The following NRIP1 variants were observed in gnomAD, a reference collection of about 807,000 sequenced individuals.
NRIP1 encodes nuclear receptor interacting protein 1.
Under a neutral mutation model 75.0 loss-of-function variants are expected in NRIP1, and 28 were observed. The ratio of observed to expected loss-of-function variants is 0.37; its 90% confidence interval spans 0.28 to 0.51. NRIP1 has a LOEUF of 0.51. Among genes scored for constraint, NRIP1 ranks in the 20% least tolerant of loss-of-function variants. The pLI is 0.92. For missense variants in NRIP1, 1,435 were observed against 1,343.7 expected, an observed-to-expected ratio of 1.07 and a Z score of -1.06; for synonymous variants, 526 against 487.6, an observed-to-expected ratio of 1.08 and a Z score of -1.04.
chr21:15,006,173 C>T (rs369187527), intron 3 of NRIP1, among the ~76,000 whole-genome samples: 5 of 150,224 alleles, frequency 3.3e-5, no homozygotes, highest in East Asian at 1.9e-4. Context: ...ATTCTTAAGA[C>T]GGAAAAAAAA....
In NRIP1 at chr21:14,961,243, A is replaced by AT. The variant is rs1418310991; in HGVS notation, c.*3472dup. 5.9e-5 allele frequency: 9 copies of AT among 152,446 alleles called. No individual in the cohort carries two copies. Among genetic ancestry groups the AT allele is most frequent in the Non-Finnish European group, 8.8e-5 (6 of 67,906 alleles). 9.4% of individuals were successfully genotyped at this position (152,446 alleles called of 1,614,324 possible). ...AGTCATTTCAAACCAGAGACAATGC[A>AT]TTTTTTCTCATTTATTCAAATTCAC... On this transcript the variant is annotated 3_prime_UTR_variant, in exon 4 of 4. Coordinates refer to ENST00000318948, the MANE Select transcript of NRIP1 (RefSeq NM_003489.4).
intron 3 of NRIP1, among the ~76,000 whole-genome samples, chr21:14,995,371 T>C (rs888195974): frequency 1.3e-5 from 2 of 152,230 alleles, no homozygotes; most frequent in Non-Finnish European, 2.9e-5. Context: ...AGGAGGTTTC[T>C]TAAACCTGGG....
rs1410137647 is a variant in NRIP1 at position 14,966,085 on chromosome 21, A to G, written c.2108T>C (p.Ile703Thr). The change falls in exon 4 of 4, where the codon ATA (isoleucine) becomes ACA (threonine). Residue 703 changes from isoleucine (I) to threonine (T), a missense_variant. Transcript: ENST00000318948. The part of the protein sequence containing the change: ...GPEPGLSGSE[I>T]ENLLERRTVL... The stretch of plus-strand genomic sequence containing the variant: ...AGTACGTCTTTCAAGCAGATTTTCT[A>G]TTTCAGAACCAGAAAGCCCTGGTTC... 8 of 1,612,224 alleles carry G rather than the reference A, an allele frequency of 5.0e-6. No homozygotes were observed. Among genetic ancestry groups the G allele is most frequent in the Non-Finnish European group, 5.9e-6 (7 of 1,179,956 alleles).
At position 15,012,446 on chromosome 21, in the gene NRIP1, T is replaced by A. The variant is rs150944686; in HGVS notation, c.-335+1898A>T. On this transcript the variant is annotated intron_variant, in intron 3 of 3. Coordinates refer to ENST00000318948, the MANE Select transcript of NRIP1 (RefSeq NM_003489.4). ...AAGTTGTTCACTATACATTATAATG[T>A]CTTTTTTTTTTTTTTTTTTTTTTTT... Among the ~76,000 whole-genome samples the A allele has an allele frequency of 0.011, 1,182 of 103,368 alleles. 139 individuals carry two copies. The East Asian group carries it at 0.22, about 19-fold the overall frequency. The allele number at this position is 103,368 out of a possible 152,430, so 67.8% of individuals were successfully genotyped here. A position where few individuals can be genotyped will look rare whatever the true frequency, so the allele number is the denominator to read the frequency against.
intron 1 of NRIP1, among the ~76,000 whole-genome samples, chr21:15,064,192 G>A (rs892847548): frequency 2.6e-5 from 4 of 152,256 alleles, no homozygotes; most frequent in Non-Finnish European, 5.9e-5. Context: ...CGTGAGCCTC[G>A]CCATCGGGAG....
In NRIP1 at chr21:14,968,058, ATTAT is replaced by A. The variant is rs2086807264; in HGVS notation, c.131_134del (p.His44LeufsTer62). On this transcript the variant is annotated frameshift_variant, in exon 4 of 4. Transcript: ENST00000318948. LOFTEE classifies it high-confidence loss of function. Reference sequence around the variant, plus strand: ...AAATGTTAAAGTTCTGATCCTCTTCATTATGCCCAGCAGACTTTTTGTCAACGGC... The same window carrying A: ...AAATGTTAAAGTTCTGATCCTCTTCAGCCCAGCAGACTTTTTGTCAACGGC... 6.2e-7 allele frequency: 1 copy of A among 1,613,928 alleles called. No individual in the cohort carries two copies. The highest frequency in any genetic ancestry group is 8.5e-7 in the Non-Finnish European group (1 of 1,180,020).
intron 3 of NRIP1, among the ~76,000 whole-genome samples, chr21:15,004,153 G>A (rs570349673): frequency 6.6e-6 from 1 of 152,212 alleles, no homozygotes; most frequent in South Asian, 2.1e-4. Context: ...ATTCTAACTT[G>A]TTTTCACACA....
chr21:14,988,933 G>A (rs983460812), intron 3 of NRIP1, among the ~76,000 whole-genome samples: 5 of 151,354 alleles, frequency 3.3e-5, no homozygotes, highest in East Asian at 3.9e-4. Context: ...GAGGCAAAAC[G>A]AGGAGAGGAG....
chr21:14,982,939 T>C (rs748455428), intron 3 of NRIP1, among the ~76,000 whole-genome samples: 13 of 152,140 alleles, frequency 8.5e-5, no homozygotes, highest in Non-Finnish European at 1.6e-4. Context: ...ACTGTGCCCA[T>C]ATCACAGCAT....
In NRIP1 at chr21:14,965,659, G is replaced by A. The variant is rs778756254; in HGVS notation, c.2534C>T (p.Ala845Val). The change falls in exon 4 of 4, where the codon GCA (alanine) becomes GTA (valine). Residue 845 changes from alanine (A) to valine (V), a missense_variant. Physicochemically the swap from Ala to Val is moderately conservative, Grantham distance 64. Transcript: ENST00000318948. ...GCAAAGATTCTTTGATTCTAGAAGT[G>A]CCATTTCATTATTTCTGTGACTCCT... ...SDRSHRNNEM[A>V]LLESKNLCMV... 5 of 1,613,258 alleles carry A rather than the reference G, an allele frequency of 3.1e-6. No homozygotes were observed. The South Asian group carries it at 4.4e-5, about 14-fold the overall frequency.
At chr21:15,052,885 C>T (rs938123268) in intron 1 of NRIP1, among the ~76,000 whole-genome samples, 1 of 152,138 alleles carries the variant, frequency 6.6e-6, no homozygotes, top group African/African-American at 2.4e-5. Context: ...CTACCACTCT[C>T]ACTGTGACAC....
intron 2 of NRIP1, among the ~76,000 whole-genome samples, chr21:15,025,784 G>T (rs954341853): frequency 3.3e-5 from 5 of 152,132 alleles, no homozygotes; most frequent in Non-Finnish European, 5.9e-5. Flanking sequence ...GGAAACAGAA[G>T]ACAACCCTAA....
At chr21:15,059,231 T>G (rs1035044899) in intron 1 of NRIP1, among the ~76,000 whole-genome samples, 9 of 152,208 alleles carry the variant, frequency 5.9e-5, no homozygotes, top group Admixed American at 5.9e-4. Flanking sequence ...CCGAGCTTAG[T>G]CACACAGTGA....
chr21:14,964,609 G>A lies in NRIP1; in HGVS notation c.*107C>T. On this transcript the variant is annotated 3_prime_UTR_variant, in exon 4 of 4. Transcript: ENST00000318948. ...ACCAATACTTTTCAAAATGAAAAAAGTTTCAATTATACCATGCTTTTTTTC... is the reference window on the plus strand; with the variant it reads ...ACCAATACTTTTCAAAATGAAAAAAATTTCAATTATACCATGCTTTTTTTC... The A allele has an allele frequency of 1.1e-6, 1 of 918,142 alleles. No individual in the cohort carries two copies. Among genetic ancestry groups the A allele is most frequent in the South Asian group, 2.2e-5 (1 of 45,750 alleles). 56.9% of individuals were successfully genotyped at this position (918,142 alleles called of 1,614,324 possible). A position where few individuals can be genotyped will look rare whatever the true frequency, so the allele number is the denominator to read the frequency against.
chr21:15,008,618 G>C (rs2088030069), intron 3 of NRIP1, among the ~76,000 whole-genome samples: 1 of 152,000 alleles, frequency 6.6e-6, no homozygotes, highest in African/African-American at 2.4e-5. Context: ...TGGGTAATAT[G>C]ATACACCGTG....
chr21:15,035,808 G>A (rs2088819614), intron 2 of NRIP1, among the ~76,000 whole-genome samples: 1 of 151,948 alleles, frequency 6.6e-6, no homozygotes, highest in African/African-American at 2.4e-5. Context: ...CACCCGCCTC[G>A]GCCTCCCAAA....
intron 3 of NRIP1, among the ~76,000 whole-genome samples, chr21:14,987,647 C>G (rs2087444654): frequency 6.6e-6 from 1 of 152,140 alleles, no homozygotes; most frequent in Non-Finnish European, 1.5e-5. Context: ...TATAAAACCT[C>G]CTGGGAGCTC....
intron 2 of NRIP1, among the ~76,000 whole-genome samples, chr21:15,033,297 C>T (rs1186832777): frequency 6.6e-6 from 1 of 151,136 alleles, no homozygotes; most frequent in Non-Finnish European, 1.5e-5. Context: ...GGCTTAATTC[C>T]TATATGGTAA....
At chr21:15,028,318 G>A (rs1457005792) in intron 2 of NRIP1, among the ~76,000 whole-genome samples, 1 of 152,182 alleles carries the variant, frequency 6.6e-6, no homozygotes, top group Non-Finnish European at 1.5e-5. Flanking sequence ...ATACTGTACT[G>A]ATTCTTTCTC....
Sources: allele counts gnomAD v4.1 joint callset (sites outside exome capture counted in the v4.1 genomes callset), GRCh38; gene constraint gnomAD v4.1.1; transcripts MANE v1.5; gene names NCBI Gene and HGNC (gene_info 2026-07-23, HGNC 2026-07-21).